Variants in RTEL1 observed in about 807,000 individuals in gnomAD.
RTEL1 encodes regulator of telomere length.
A neutral mutation model predicts 162.2 loss-of-function variants in RTEL1; 86 were observed. The observed-to-expected ratio is 0.53, with a 90% confidence interval of 0.45 to 0.63. RTEL1 has a LOEUF of 0.63. Ranked by LOEUF, RTEL1 falls within the 30% of genes least tolerant of loss-of-function variation. The pLI is 0.00. For missense variants in RTEL1, 1,941 were observed against 1,750.2 expected (o/e 1.11, Z -1.95); for synonymous variants, 958 against 717.9 (o/e 1.33, Z -5.35).
rs746529768 is a variant in RTEL1, at chr20:63,695,432, C to T, written c.3604C>T (p.Pro1202Ser). Residue 1202 changes from proline to serine, a missense_variant, in exon 34 of 35, where the codon CCC becomes TCC. Pro to Ser is a moderately conservative substitution (Grantham distance 74). Coordinates refer to ENST00000360203, the MANE Select transcript of RTEL1 (RefSeq NM_001283009.2). ...TVGAGGEDAG[P>S]SQSSGPPHGP... ...GGGGGCGGGCGGTGAGGATGCAGGTCCCAGCCAGTCCTCAGGACCTCCCCA... is the reference window on the plus strand; with the variant it reads ...GGGGGCGGGCGGTGAGGATGCAGGTTCCAGCCAGTCCTCAGGACCTCCCCA... 1.3e-6 allele frequency: 2 copies of T among 1,571,004 alleles called. No individual in the cohort carries two copies. The highest frequency in any genetic ancestry group is 4.5e-5 in the East Asian group (2 of 44,526).
intron 7 of RTEL1, among the ~76,000 whole-genome samples, chr20:63,666,395 C>T (rs545764745): frequency 2.6e-5 from 4 of 152,350 alleles, no homozygotes; most frequent in African/African-American, 7.2e-5. Context: ...TTTCACTCAG[C>T]GTTGTGGGTA....
At chr20:63,692,656 T>C in intron 28 of RTEL1, 149 bp from the exon 29 acceptor site, 2 of 733,570 alleles carry the variant, frequency 2.7e-6, no homozygotes, top group Non-Finnish European at 4.5e-6. Context: ...CCTCCCTATG[T>C]CCATCCAGCC....
At chr20:63,677,508 G>A (rs531343793) in intron 10 of RTEL1, among the ~76,000 whole-genome samples, 13 of 152,268 alleles carry the variant, frequency 8.5e-5, no homozygotes, top group African/African-American at 2.2e-4. Flanking sequence ...CCAGCTAGTC[G>A]GGAGACAGAC....
At chr20:63,667,850 C>T (rs1222023622) in intron 8 of RTEL1, among the ~76,000 whole-genome samples, 1 of 152,148 alleles carries the variant, frequency 6.6e-6, no homozygotes, top group Non-Finnish European at 1.5e-5. Context: ...AGCTCAGGTT[C>T]TCTCCTTCAC....
chr20:63,669,529 ATTT>A (rs1307080722), intron 8 of RTEL1, among the ~76,000 whole-genome samples: 1 of 152,212 alleles, frequency 6.6e-6, no homozygotes, highest in African/African-American at 2.4e-5. Context: ...GACTTAAAAA[ATTT>A]TTTCAGCCCT....
chr20:63,691,210 G>A (rs576127529), intron 27 of RTEL1, among the ~76,000 whole-genome samples: 9 of 152,282 alleles, frequency 5.9e-5, no homozygotes, highest in Admixed American at 2.6e-4. Context: ...GTTCTCTGGC[G>A]GGTCAGCTTG....
chr20:63,687,633 C>G lies in RTEL1; in HGVS notation c.1349-5C>G. ...CTGTGCCCTCTGCCGCCCCCCGCCC[C>G]ACAGGGAAGGTGCTGAGCTACTGGT... is the stretch of plus-strand genomic sequence containing the variant. On this transcript the variant is annotated splice_polypyrimidine_tract_variant and splice_region_variant and intron_variant, in intron 16 of 34. Transcript: ENST00000360203. 1 of 1,604,204 alleles carries G rather than the reference C, an allele frequency of 6.2e-7. No homozygotes were observed.
intron 4 of RTEL1, 57 bp from the exon 5 acceptor site, chr20:63,662,489 C>A: frequency 6.2e-7 from 1 of 1,605,132 alleles, no homozygotes; most frequent in Non-Finnish European, 8.5e-7. Flanking sequence ...GCTGCAGGGC[C>A]ACGCTGTGGG....
rs759537220 is a variant in RTEL1, at chr20:63,673,996, A to G, written c.822A>G (p.Ser274=). Residue 274 remains serine (S), a synonymous_variant, in exon 10 of 35, where the codon TCA becomes TCG. Coordinates refer to ENST00000360203, the MANE Select transcript of RTEL1 (RefSeq NM_001283009.2). The stretch of plus-strand genomic sequence containing the variant: ...ACCTGACTCCCCATGACCTGGCTTC[A>G]GGACTGGACGTCATAGACCAGGTGC... The part of the protein sequence containing the change: ...SFDLTPHDLA[S]GLDVIDQVLE... 6.2e-7 allele frequency: 1 copy of G among 1,614,140 alleles called. No individual in the cohort carries two copies. Among genetic ancestry groups the G allele is most frequent in the Non-Finnish European group, 8.5e-7 (1 of 1,180,012 alleles).
rs1366984422 is a variant in RTEL1 at position 63,690,806 on chromosome 20, G to T, written c.2415G>T (p.Gly805=). 1 of 1,602,070 alleles carries T rather than the reference G, an allele frequency of 6.2e-7. No individual in the cohort carries two copies. The highest frequency in any genetic ancestry group is 8.5e-7 in the Non-Finnish European group (1 of 1,176,356). ...CTGCGCACTCGGGTGCCCCTGCAGGGTCACCAGCTGCCGGGGACCCCGAGA... is the reference window on the plus strand; with the variant it reads ...CTGCGCACTCGGGTGCCCCTGCAGGTTCACCAGCTGCCGGGGACCCCGAGA... ...HVPSLKQRSS[G]SPAAGDPESS... Residue 805 remains glycine, a splice_region_variant and synonymous_variant, in exon 27 of 35, where the codon GGG becomes GGT. Transcript: ENST00000360203.
rs1485672988 is a variant in RTEL1, at chr20:63,668,166, G to T, written c.699+613G>T. Among the ~76,000 whole-genome samples the T allele has an allele frequency of 1.3e-5, 2 of 151,838 alleles. No individual in the cohort carries two copies. Among genetic ancestry groups the T allele is most frequent in the Non-Finnish European group, 2.9e-5 (2 of 67,988 alleles). On this transcript the variant is annotated intron_variant, in intron 8 of 34. Coordinates refer to ENST00000360203, the MANE Select transcript of RTEL1 (RefSeq NM_001283009.2). The surrounding 1 kb of genome is among the most constrained non-coding windows in gnomAD (Gnocchi z 4.3). ...CACTCAACTCCCCTCCTCCCAGTGT[G>T]TGCCCGGCCCTGCTGCCCTCCTCCC...
At chr20:63,673,521 C>T (rs1240696967) in intron 9 of RTEL1, among the ~76,000 whole-genome samples, 3 of 152,124 alleles carry the variant, frequency 2.0e-5, no homozygotes, top group African/African-American at 7.2e-5. Flanking sequence ...CCACTGCAAC[C>T]TCCACCTCCT....
intron 14 of RTEL1, chr20:63,682,199 A>G: frequency 1.0e-6 from 1 of 985,452 alleles, no homozygotes; most frequent in Non-Finnish European, 1.2e-6. Context: ...CTACACTCGA[A>G]CTGAATCCTG....
intron 14 of RTEL1, chr20:63,681,466 G>T: frequency 8.1e-6 from 8 of 985,334 alleles, no homozygotes; most frequent in Non-Finnish European, 9.6e-6. Context: ...CGCTGTACCT[G>T]CTGGCCACAC....
In RTEL1 at chr20:63,690,173, G is replaced by A; in HGVS notation, c.2228G>A (p.Arg743Gln). 1.2e-6 allele frequency: 2 copies of A among 1,612,516 alleles called. No homozygotes were observed. The highest frequency in any genetic ancestry group is 1.1e-5 in the South Asian group (1 of 91,084). Reference protein sequence around the residue: ...RVYDNFGHVIRDVAQFFRVAE... With the variant: ...RVYDNFGHVIQDVAQFFRVAE... Reference sequence around the variant, plus strand: ...TATGACAACTTTGGCCATGTCATCCGAGACGTGGCCCAGTTCTTCCGTGTT... The same window carrying A: ...TATGACAACTTTGGCCATGTCATCCAAGACGTGGCCCAGTTCTTCCGTGTT... Residue 743 changes from arginine (R) to glutamine (Q), a missense_variant, in exon 25 of 35, where the codon CGA (arginine) becomes CAA (glutamine). Arg to Gln is a conservative substitution (Grantham distance 43). Coordinates refer to ENST00000360203, the MANE Select transcript of RTEL1 (RefSeq NM_001283009.2).
At chr20:63,691,128 C>G (rs932319110) in intron 27 of RTEL1, among the ~76,000 whole-genome samples, 181 bp downstream of exon 27, 1 of 152,016 alleles carries the variant, frequency 6.6e-6, no homozygotes, top group Admixed American at 6.5e-5. Flanking sequence ...TCCACCCCAC[C>G]TCACCCACAG....
At position 63,693,266 on chromosome 20, in the gene RTEL1, C is replaced by G. The variant is rs143967591; in HGVS notation, c.2975C>G (p.Pro992Arg). The G allele has an allele frequency of 5.2e-5, 84 of 1,611,804 alleles. No homozygotes were observed. In the African/African-American group the frequency reaches 1.0e-3, roughly 19 times the overall value. ...ATTCCCCGAAGGCAGCGGGCACAGC[C>G]GGTCCTGGACCCCACTGGTAAATGG... ...HSIPRRQRAQPVLDPTGRTAP... is the reference protein window; with the variant it reads ...HSIPRRQRAQRVLDPTGRTAP... Residue 992 changes from proline to arginine, a missense_variant, in exon 30 of 35, where the codon CCG (proline) becomes CGG (arginine). Physicochemically the swap from Pro to Arg is moderately radical, Grantham distance 103. Coordinates refer to ENST00000360203, the MANE Select transcript of RTEL1 (RefSeq NM_001283009.2).
At chr20:63,688,834 G>C (rs1196898047) in intron 21 of RTEL1, 5 of 638,632 alleles carry the variant, frequency 7.8e-6, no homozygotes, top group African/African-American at 1.8e-5. Context: ...AGTAGCCCTA[G>C]TCGGCCACCC....
intron 16 of RTEL1, 133 bp downstream of exon 16, chr20:63,686,005 C>A (rs1158354152): frequency 2.6e-6 from 2 of 777,582 alleles, no homozygotes; most frequent in Admixed American, 2.2e-5. Flanking sequence ...CATATCCAGG[C>A]CAATCCAGAG....
Sources: gnomAD v4.1 joint callset for allele counts (sites outside exome capture counted in the v4.1 genomes callset) on GRCh38, gnomAD v4.1.1 for gene constraint, Gnocchi (gnomAD v3.1) non-coding constraint, MANE v1.5 for transcripts, NCBI Gene and HGNC (gene_info 2026-07-23, HGNC 2026-07-21) for gene names.